SLC12A1: variants seen among roughly 807,000 people sequenced by gnomAD.
The protein encoded by SLC12A1 is Na-K-2Cl cotransporter.
SLC12A1 carries 89 observed loss-of-function variants against 130.4 expected under a neutral mutation model. The observed-to-expected ratio is 0.68, with a 90% confidence interval of 0.58 to 0.81. The LOEUF (loss-of-function observed/expected upper bound fraction) is 0.81. Ranked by LOEUF, SLC12A1 falls within the 40% of genes least tolerant of loss-of-function variation. The pLI, the probability that SLC12A1 is intolerant of heterozygous loss-of-function variation, is 0.00. For missense variants in SLC12A1, 1,310 were observed against 1,336.4 expected, an observed-to-expected ratio of 0.98 and a Z score of 0.31; for synonymous variants, 499 against 460.0, an observed-to-expected ratio of 1.08 and a Z score of -1.09.
intron 5 of SLC12A1, chr15:48,226,981 TG>T: frequency 2.6e-6 from 2 of 761,378 alleles, no homozygotes; most frequent in Non-Finnish European, 4.4e-6. Flanking sequence ...CACAGGGAGG[TG>T]GATCTTTCTG....
At chr15:48,230,669 C>A (rs2041363829) in intron 7 of SLC12A1, among the ~76,000 whole-genome samples, 166 bp downstream of exon 7, 1 of 152,200 alleles carries the variant, frequency 6.6e-6, no homozygotes. Flanking sequence ...AGCACGAAGC[C>A]CAGGCAGTCA....
intron 23 of SLC12A1, 150 bp downstream of exon 23, chr15:48,288,666 A>G: frequency 1.8e-6 from 1 of 565,274 alleles, no homozygotes; most frequent in East Asian, 2.8e-5. Context: ...TTATCTGGTC[A>G]GTAAATTATT....
intron 23 of SLC12A1, 52 bp from the exon 24 acceptor site, chr15:48,291,726 T>C (rs2042123262): frequency 9.0e-7 from 1 of 1,112,556 alleles, no homozygotes; most frequent in Non-Finnish European, 1.3e-6. Flanking sequence ...AACTCTTTGA[T>C]TGAAAATAGT....
chr15:48,218,921 T>C (rs1003453320), intron 2 of SLC12A1, among the ~76,000 whole-genome samples: 1 of 152,214 alleles, frequency 6.6e-6, no homozygotes, highest in Non-Finnish European at 1.5e-5. Context: ...AGAGAACTAT[T>C]CTCAATTTGA....
intron 21 of SLC12A1, among the ~76,000 whole-genome samples, 183 bp from the exon 22 acceptor site, chr15:48,287,860 G>A (rs1177760468): frequency 6.6e-6 from 1 of 152,132 alleles, no homozygotes; most frequent in East Asian, 1.9e-4. Flanking sequence ...TATTGAAGGT[G>A]TTCTCAATTA....
chr15:48,299,582 A>G (rs1286097637), intron 25 of SLC12A1, among the ~76,000 whole-genome samples: 1 of 152,258 alleles, frequency 6.6e-6, no homozygotes, highest in African/African-American at 2.4e-5. Context: ...GCCTAAAATA[A>G]TTTGAGTCAA....
At chr15:48,278,249 C>T (rs1344658230) in intron 20 of SLC12A1, among the ~76,000 whole-genome samples, 3 of 152,202 alleles carry the variant, frequency 2.0e-5, no homozygotes, top group Admixed American at 6.5e-5. Flanking sequence ...GTCTCAACAA[C>T]AACAAAAAAT....
At chr15:48,269,386 T>C (rs1487332312) in intron 18 of SLC12A1, among the ~76,000 whole-genome samples, 1 of 152,168 alleles carries the variant, frequency 6.6e-6, no homozygotes, top group East Asian at 1.9e-4. Context: ...TTGAACCATT[T>C]TAATGACTGT....
At chr15:48,250,660 C>G (rs1178454552) in intron 14 of SLC12A1, among the ~76,000 whole-genome samples, 5 of 96,830 alleles carry the variant, frequency 5.2e-5, no homozygotes, top group African/African-American at 1.8e-4. Flanking sequence ...ATACACAAAC[C>G]CAGAAAATGT....
At position 48,229,246 on chromosome 15, in the gene SLC12A1, G is replaced by C; in HGVS notation, c.782G>C (p.Gly261Ala). 1 of 1,598,264 alleles carries C rather than the reference G, an allele frequency of 6.3e-7. No individual in the cohort carries two copies. Among genetic ancestry groups the C allele is most frequent in the Non-Finnish European group, 8.5e-7 (1 of 1,171,714 alleles). ...SLGPEFGGSI[G>A]LIFAFANAVA... Reference sequence around the variant, plus strand: ...GGGCCCGAGTTCGGTGGGTCAATAGGCCTGATCTTTGCTTTTGCTAATGCA... The same window carrying C: ...GGGCCCGAGTTCGGTGGGTCAATAGCCCTGATCTTTGCTTTTGCTAATGCA... The change falls in exon 6 of 27, where the codon GGC becomes GCC. Residue 261 changes from glycine (G) to alanine (A), a missense_variant. Transcript: ENST00000380993.
intron 9 of SLC12A1, 179 bp downstream of exon 9, chr15:48,235,183 C>T: frequency 1.4e-6 from 1 of 708,612 alleles, no homozygotes; most frequent in East Asian, 2.6e-5. Context: ...GATTTATATT[C>T]CAGATAATTC....
At chr15:48,228,949 C>G in intron 5 of SLC12A1, 1 of 351,944 alleles carries the variant, frequency 2.8e-6, no homozygotes, top group Non-Finnish European at 5.1e-6. Flanking sequence ...AGCTTTTTTA[C>G]ATTTATGTTT....
chr15:48,230,397 G>C lies in SLC12A1; in HGVS notation c.869G>C (p.Ser290Thr). ...CTTAATAATTTGTTTCCCCAGGAGA[G>C]TGATTCGATGATGGTGGATCCAACC... ...AETVVDLLKE[S>T]DSMMVDPTND... is the part of the protein sequence containing the mutation. Residue 290 changes from serine (S) to threonine (T), a missense_variant, in exon 7 of 27, where the codon AGT becomes ACT. By Grantham distance (58) the Ser-to-Thr change is moderately conservative. Coordinates refer to ENST00000380993, the MANE Select transcript of SLC12A1 (RefSeq NM_000338.3). 4 of 1,605,402 alleles carry C rather than the reference G, an allele frequency of 2.5e-6. No individual in the cohort carries two copies. Among genetic ancestry groups the C allele is most frequent in the Non-Finnish European group, 2.6e-6 (3 of 1,173,630 alleles).
rs2141136259 is a variant in SLC12A1, at chr15:48,303,316, A to T, written c.*431A>T. 1 of 153,400 alleles carries T rather than the reference A, an allele frequency of 6.5e-6. No homozygotes were observed. The highest frequency in any genetic ancestry group is 1.5e-5 in the Non-Finnish European group (1 of 68,854). 9.5% of individuals were successfully genotyped at this position (153,400 alleles called of 1,614,324 possible). On this transcript the variant is annotated 3_prime_UTR_variant, in exon 27 of 27. Transcript: ENST00000380993. The stretch of plus-strand genomic sequence containing the variant: ...TAAATGCTTATTGACAGGCTGGCAT[A>T]GTAACCACAGGTGGTTATCAAAGGA...
At chr15:48,241,761 G>A (rs1057293800) in intron 10 of SLC12A1, among the ~76,000 whole-genome samples, 162 bp downstream of exon 10, 3 of 152,156 alleles carry the variant, frequency 2.0e-5, no homozygotes, top group Non-Finnish European at 4.4e-5. Flanking sequence ...ATACTTTAGG[G>A]ATTTGAAGGC....
intron 14 of SLC12A1, among the ~76,000 whole-genome samples, chr15:48,251,079 T>C (rs2041642990): frequency 6.6e-6 from 1 of 152,184 alleles, no homozygotes; most frequent in Non-Finnish European, 1.5e-5. Flanking sequence ...CCATCTTTTT[T>C]CATCAGTTAT....
chr15:48,278,924 G>A (rs750694779), intron 20 of SLC12A1, among the ~76,000 whole-genome samples: 28 of 151,968 alleles, frequency 1.8e-4, no homozygotes, highest in Non-Finnish European at 3.5e-4. Flanking sequence ...AAATAATCCT[G>A]GCAGTGAACT....
At chr15:48,290,648 G>A (rs8026751) in intron 23 of SLC12A1, among the ~76,000 whole-genome samples, 36,051 of 151,940 alleles carry the variant, frequency 0.24, 4,956 homozygotes, top group East Asian at 0.41. Context: ...GACCACCATC[G>A]TATATGCAGT....
intron 2 of SLC12A1, among the ~76,000 whole-genome samples, chr15:48,216,333 T>A (rs1225086269): frequency 1.3e-5 from 2 of 152,196 alleles, no homozygotes; most frequent in African/African-American, 2.4e-5. Context: ...GGAAAGTTCA[T>A]TTTAGAGGAA....
Sources: allele counts gnomAD v4.1 joint callset (sites outside exome capture counted in the v4.1 genomes callset), GRCh38; gene constraint gnomAD v4.1.1; transcripts MANE v1.5; gene names NCBI Gene and HGNC (gene_info 2026-07-23, HGNC 2026-07-21).